Variants in TPPP observed in about 807,000 individuals in gnomAD.
TPPP encodes tubulin polymerization-promoting protein.
Under a neutral mutation model 15.5 loss-of-function variants are expected in TPPP, and 6 were observed. The ratio of observed to expected loss-of-function variants is 0.39; its 90% CI spans 0.21 to 0.77. The LOEUF is 0.77. Among genes scored for constraint, TPPP ranks in the 30% least tolerant of loss-of-function variants. The pLI is 0.42. For missense variants in TPPP, 269 were observed against 307.2 expected, an observed-to-expected ratio of 0.88 and a Z score of 0.93; for synonymous variants, 146 against 133.9, an observed-to-expected ratio of 1.09 and a Z score of -0.63.
At chr5:685,307 C>G (rs1156727972) in intron 1 of TPPP, among the ~76,000 whole-genome samples, 1 of 152,242 alleles carries the variant, frequency 6.6e-6, no homozygotes, top group Non-Finnish European at 1.5e-5. Context: ...AGGCTGAGTG[C>G]AGTCCCCAAG....
intron 1 of TPPP, among the ~76,000 whole-genome samples, chr5:684,945 G>A (rs1008320573): frequency 1.3e-5 from 2 of 152,154 alleles, no homozygotes; most frequent in African/African-American, 2.4e-5. Context: ...GCATCCCCAC[G>A]GCACACTCGG....
intron 1 of TPPP, 25 bp from the exon 2 acceptor site, chr5:678,089 G>T: frequency 3.4e-6 from 5 of 1,484,474 alleles, no homozygotes. Context: ...GAGGAGAAAG[G>T]TGTCACCCGG....
chr5:668,001 G>A (rs1426556816), intron 2 of TPPP, among the ~76,000 whole-genome samples: 3 of 47,580 alleles, frequency 6.3e-5, no homozygotes, highest in Admixed American at 2.1e-4. Flanking sequence ...TGTGGGCGCC[G>A]TCAGGGAAGT....
At chr5:697,903 T>C (rs1484346712), upstream of TPPP, among the ~76,000 whole-genome samples, 1 of 144,206 alleles carries the variant, frequency 6.9e-6, no homozygotes, top group African/African-American at 2.6e-5. Context: ...TCCAGATCAA[T>C]ATCCCTGTGA....
At chr5:675,090 T>G (rs388188) in intron 2 of TPPP, among the ~76,000 whole-genome samples, 1 of 6,288 alleles carries the variant, frequency 1.6e-4, no homozygotes, top group Non-Finnish European at 2.7e-4. Context: ...CATGGGGGGT[T>G]CAGTGTGGTC....
rs1433823625 is a variant in TPPP, at chr5:662,215, T to C, written c.*2887A>G. 1 of 152,458 alleles carries C rather than the reference T, an allele frequency of 6.6e-6. No individual in the cohort carries two copies. Among genetic ancestry groups the C allele is most frequent in the African/African-American group, 2.4e-5 (1 of 41,446 alleles). The allele number at this position is 152,458 out of a possible 1,614,324, so 9.4% of individuals were successfully genotyped here. A position where few individuals can be genotyped will look rare whatever the true frequency, so the allele number is the denominator to read the frequency against. ...CAGGTCTGGGAAGGGCTGTGGTGAGTCGGTGCTGGCCGTGTGGGCGAGGTG... is the reference window on the plus strand; with the variant it reads ...CAGGTCTGGGAAGGGCTGTGGTGAGCCGGTGCTGGCCGTGTGGGCGAGGTG... On this transcript the variant is annotated 3_prime_UTR_variant, in exon 4 of 4. Transcript: ENST00000360578.
In TPPP at chr5:692,231, TAGCCTCCCAACCACCTATCAAAACAGC is replaced by T. The variant is rs1561096268; in HGVS notation, c.-5+1020_-5+1046del. Among the ~76,000 whole-genome samples, 5 of 60,572 alleles carry T rather than the reference TAGCCTCCCAACCACCTATCAAAACAGC, an allele frequency of 8.3e-5. No homozygotes were observed. In the East Asian group the frequency reaches 2.5e-3, roughly 31 times the overall value. 39.7% of individuals were successfully genotyped at this position (60,572 alleles called of 152,430 possible). Reference sequence around the variant, plus strand: ...GCCCCCCAACCCCCTATCAAAACAGTAGCCTCCCAACCACCTATCAAAACAGCAGCCTCCCAACCCCCTATCAAAACA... The same window carrying T: ...GCCCCCCAACCCCCTATCAAAACAGTAGCCTCCCAACCCCCTATCAAAACA... On this transcript the variant is annotated intron_variant, in intron 1 of 3. Transcript: ENST00000360578.
chr5:669,270 C>T (rs1042328510), intron 2 of TPPP, among the ~76,000 whole-genome samples: 16 of 137,190 alleles, frequency 1.2e-4, no homozygotes, highest in East Asian at 4.6e-4. Flanking sequence ...CCCCAGGGGG[C>T]GCTGGTGAGC....
rs753121244 is a variant in TPPP at position 677,962 on chromosome 5, C to T, written c.99G>A (p.Leu33=). Residue 33 remains leucine, a synonymous_variant, in exon 2 of 4, where the codon CTG becomes CTA. Transcript: ENST00000360578. ...CCCCCTCACCAGCACCCTCCGATTC[C>T]AGCGACAGCCTCTTGGCTGCCCGGT... ...SKDRAAKRLS[L]ESEGAGEGAA... 2.0e-5 allele frequency: 33 copies of T among 1,611,028 alleles called. No homozygotes were observed. In the South Asian group the frequency reaches 3.6e-4, roughly 18 times the overall value.
At chr5:669,290 C>G (rs1027795013) in intron 2 of TPPP, among the ~76,000 whole-genome samples, 1 of 152,120 alleles carries the variant, frequency 6.6e-6, no homozygotes. Context: ...CCCGGTGAGC[C>G]GGAGGTGCCC....
chr5:669,054 G>A (rs192181249), intron 2 of TPPP, among the ~76,000 whole-genome samples: 90 of 152,344 alleles, frequency 5.9e-4, no homozygotes, highest in African/African-American at 2.0e-3. Context: ...AAGAAATCGC[G>A]CTGAGAAACA....
At position 669,282 on chromosome 5, in the gene TPPP, C is replaced by T. The variant is rs138819413; in HGVS notation, c.312-3159G>A. Among the ~76,000 whole-genome samples, 31 of 74,860 alleles carry T rather than the reference C, an allele frequency of 4.1e-4. No homozygotes were observed. In the South Asian group the frequency reaches 7.1e-3, roughly 17 times the overall value. The allele number at this position is 74,860 out of a possible 152,430, so 49.1% of individuals were successfully genotyped here. ...ATCCCCCAGGGGGCGCTGGTGAGCC[C>T]GGTGAGCCGGAGGTGCCCTGGGCAG... On this transcript the variant is annotated intron_variant, in intron 2 of 3. Transcript: ENST00000360578.
rs557067914 is a variant in TPPP at position 671,184 on chromosome 5, C to T, written c.312-5061G>A. Among the ~76,000 whole-genome samples the T allele has an allele frequency of 1.8e-4, 28 of 152,156 alleles. No individual in the cohort carries two copies. The South Asian group carries it at 4.8e-3, about 26-fold the overall frequency. ...GATCAGCGCACTGTCTCCCTCTGGGCGCACACCCTGCGCTTGCTGCTAATT... is the reference window on the plus strand; with the variant it reads ...GATCAGCGCACTGTCTCCCTCTGGGTGCACACCCTGCGCTTGCTGCTAATT... On this transcript the variant is annotated intron_variant, in intron 2 of 3. Transcript: ENST00000360578.
intron 2 of TPPP, among the ~76,000 whole-genome samples, chr5:669,068 C>G (rs953445204): frequency 1.3e-5 from 2 of 152,242 alleles, no homozygotes; most frequent in Non-Finnish European, 2.9e-5. Context: ...AGAAACACAC[C>G]AAGTGCTCGG....
upstream of TPPP, among the ~76,000 whole-genome samples, chr5:694,666 T>C (rs1200878586): frequency 1.9e-5 from 1 of 51,688 alleles, no homozygotes; most frequent in Non-Finnish European, 5.4e-5. Context: ...CACTCGCAGC[T>C]GGGAAGTCGG....
chr5:688,665 G>A (rs1300590175), intron 1 of TPPP, among the ~76,000 whole-genome samples: 1 of 142,980 alleles, frequency 7.0e-6, no homozygotes, highest in East Asian at 2.0e-4. Flanking sequence ...TGACGAAGGT[G>A]GCAGGAACAA....
In TPPP at chr5:687,256, C is replaced by T. The variant is rs548911539; in HGVS notation, c.-5+6022G>A. Reference sequence around the variant, plus strand: ...GAATGCGTCCCTGTTGTGTTAACCCCGGACTGTGTCAATTGTCAGAAGCCT... The same window carrying T: ...GAATGCGTCCCTGTTGTGTTAACCCTGGACTGTGTCAATTGTCAGAAGCCT... On this transcript the variant is annotated intron_variant, in intron 1 of 3. Coordinates refer to ENST00000360578, the MANE Select transcript of TPPP (RefSeq NM_007030.3). 1.5e-3 allele frequency among the ~76,000 whole-genome samples: 204 copies of T among 140,066 alleles called. 1 individual carries two copies. The highest frequency in any genetic ancestry group is 2.0e-3 in the Admixed American group (28 of 14,058). The allele number at this position is 140,066 out of a possible 152,430, so 91.9% of individuals were successfully genotyped here.
chr5:668,621 C>T (rs573100177), intron 2 of TPPP, among the ~76,000 whole-genome samples: 5 of 152,384 alleles, frequency 3.3e-5, no homozygotes, highest in Admixed American at 1.3e-4. Context: ...CCGAGCAACG[C>T]GGCAGAGCCA....
chr5:694,682 C>T (rs1375711817), upstream of TPPP, among the ~76,000 whole-genome samples: 9 of 45,442 alleles, frequency 2.0e-4, no homozygotes, highest in East Asian at 3.2e-3. Flanking sequence ...GTCGGGGGAC[C>T]CCCGAAGCTG....
Sources: gnomAD v4.1 joint callset for allele counts (sites outside exome capture counted in the v4.1 genomes callset) on GRCh38, gnomAD v4.1.1 for gene constraint, MANE v1.5 for transcripts, NCBI Gene and HGNC (gene_info 2026-07-23, HGNC 2026-07-21) for gene names.